Variants in PRPS1 observed in about 807,000 individuals in gnomAD.
PRPS1 encodes phosphoribosyl pyrophosphate synthetase 1.
PRPS1 carries 1 observed loss-of-function variant against 16.9 expected under a neutral mutation model. The observed-to-expected ratio is 0.06, with a 90% CI of 0.02 to 0.28. The LOEUF (loss-of-function observed/expected upper bound fraction) is 0.28, where lower values mean the gene tolerates loss of function less well. Ranked by LOEUF, PRPS1 falls within the 10% of genes least tolerant of loss-of-function variation. The pLI, the probability that PRPS1 is intolerant of heterozygous loss-of-function variation, is 1.00. For missense variants in PRPS1, 47 were observed against 254.0 expected (o/e 0.19, Z 5.54); for synonymous variants, 70 against 90.2 (o/e 0.78, Z 1.27).
chrX:107,644,993 T>A (rs772782048), intron 4 of PRPS1, among the ~76,000 whole-genome samples, 184 bp from the exon 5 acceptor site: 3 of 110,946 alleles, frequency 2.7e-5, no homozygotes, highest in Admixed American at 9.6e-5. Flanking sequence ...TTTTTGTATT[T>A]TTAGTAAAGA....
At chrX:107,637,213 A>G (rs1167726857) in intron 1 of PRPS1, among the ~76,000 whole-genome samples, 2 of 111,144 alleles carry the variant, frequency 1.8e-5, no homozygotes. Flanking sequence ...CTTTCGTGGT[A>G]AAATATAGCC....
At chrX:107,641,100 T>C in intron 3 of PRPS1, 100 bp downstream of exon 3, 2 of 1,202,091 alleles carry the variant, frequency 1.7e-6, no homozygotes, top group Non-Finnish European at 2.2e-6. Context: ...CAAGTACATC[T>C]GAAATAAACT....
intron 2 of PRPS1, 22 bp from the exon 3 acceptor site, chrX:107,640,880 T>C (rs1197464715): frequency 2.5e-6 from 3 of 1,210,067 alleles, no homozygotes; most frequent in Non-Finnish European, 3.4e-6. Context: ...GGTTTTTCTT[T>C]TCTTTCCTCC....
At chrX:107,631,741 C>T (rs946903799) in intron 1 of PRPS1, among the ~76,000 whole-genome samples, 1 of 111,744 alleles carries the variant, frequency 8.9e-6, no homozygotes, top group African/African-American at 3.3e-5. Context: ...CCCAGGAGTG[C>T]AGTGGTGCGA....
chrX:107,640,861 T>C (rs1384242762), intron 2 of PRPS1, 41 bp from the exon 3 acceptor site: 2 of 1,189,268 alleles, frequency 1.7e-6, no homozygotes, highest in African/African-American at 3.5e-5. Context: ...TTTTTCAAAT[T>C]GGCTTTTTGG....
chrX:107,628,551 G>C lies in PRPS1; in HGVS notation c.-78G>C. 1 of 1,206,499 alleles carries C rather than the reference G, an allele frequency of 8.3e-7. No homozygotes were observed. Among genetic ancestry groups the C allele is most frequent in the Non-Finnish European group, 1.1e-6 (1 of 892,120 alleles). ...GTAGCAACGCAAAGCGCTTGGTATT[G>C]AGTCTGTGGCCGACTTCGGTTCCGG... On this transcript the variant is annotated 5_prime_UTR_variant, in exon 1 of 7. Coordinates refer to ENST00000372435, the MANE Select transcript of PRPS1 (RefSeq NM_002764.4).
At chrX:107,648,989 C>A (rs1925767805) in intron 6 of PRPS1, among the ~76,000 whole-genome samples, 1 of 111,097 alleles carries the variant, frequency 9.0e-6, no homozygotes, top group Non-Finnish European at 1.9e-5. Flanking sequence ...GAACTCCTGA[C>A]CTCAGGTGAT....
intron 1 of PRPS1, among the ~76,000 whole-genome samples, chrX:107,631,062 CAT>C (rs1332537029): frequency 8.9e-6 from 1 of 111,873 alleles, no homozygotes; most frequent in African/African-American, 3.2e-5. Context: ...ATAAATGTCA[CAT>C]TATCATTTCT....
intron 5 of PRPS1, among the ~76,000 whole-genome samples, 169 bp from the exon 6 acceptor site, chrX:107,647,436 TA>T (rs1157223486): frequency 8.9e-6 from 1 of 112,421 alleles, no homozygotes; most frequent in African/African-American, 3.2e-5. Flanking sequence ...TTCTTTTCCT[TA>T]AAAAAATTTT....
chrX:107,646,215 G>A (rs772366784), intron 5 of PRPS1, among the ~76,000 whole-genome samples: 14 of 111,170 alleles, frequency 1.3e-4, no homozygotes, highest in Non-Finnish European at 1.9e-4. Context: ...AAATCCTCCT[G>A]TCTCAGACTC....
Position 107,650,322 on chromosome X carries a change from G to A in PRPS1, c.*290G>A. ...TTTCAGACTTTTGAGGATGTTGTGT[G>A]AGGGTGTTTGACTGTGACTGGGGAA... is the stretch of plus-strand genomic sequence containing the variant. On this transcript the variant is annotated 3_prime_UTR_variant, in exon 7 of 7. Coordinates refer to ENST00000372435, the MANE Select transcript of PRPS1 (RefSeq NM_002764.4). 2 of 439,769 alleles carry A rather than the reference G, an allele frequency of 4.5e-6. No individual in the cohort carries two copies. Among genetic ancestry groups the A allele is most frequent in the Non-Finnish European group, 7.7e-6 (2 of 258,255 alleles). The allele number at this position is 439,769 out of a possible 1,213,427, so 36.2% of individuals were successfully genotyped here.
chrX:107,638,523 C>G (rs754423996), intron 1 of PRPS1, among the ~76,000 whole-genome samples: 3 of 111,978 alleles, frequency 2.7e-5, no homozygotes, highest in Admixed American at 9.5e-5. Flanking sequence ...GGATTATAGG[C>G]GTGAGCCATC....
chrX:107,635,015 T>C lies in PRPS1; in HGVS notation c.123-4280T>C, dbSNP rs762458667. On this transcript the variant is annotated intron_variant, in intron 1 of 6. Coordinates refer to ENST00000372435, the MANE Select transcript of PRPS1 (RefSeq NM_002764.4). ...CCACCACACCTGGCTAATTTTTTTG[T>C]ATTTTTTAGTAGAGACGGGGTTTCA... Among the ~76,000 whole-genome samples the C allele has an allele frequency of 1.4e-3, 154 of 110,403 alleles. 1 individual carries two copies. Among genetic ancestry groups the C allele is most frequent in the Non-Finnish European group, 2.4e-3 (127 of 52,717 alleles).
intron 6 of PRPS1, among the ~76,000 whole-genome samples, chrX:107,649,448 C>CTGTTT (rs760189954): frequency 9.1e-6 from 1 of 109,841 alleles, no homozygotes; most frequent in Non-Finnish European, 1.9e-5. Context: ...TCCTAAGTGG[C>CTGTTT]TGTTTTGTTT....
intron 1 of PRPS1, among the ~76,000 whole-genome samples, chrX:107,631,271 A>G (rs1004535072): frequency 9.0e-5 from 10 of 111,603 alleles, no homozygotes; most frequent in Middle Eastern, 4.6e-3. Context: ...CTGGAGTCCA[A>G]TAGCTACTCA....
At chrX:107,647,169 A>G (rs913554983) in intron 5 of PRPS1, among the ~76,000 whole-genome samples, 2 of 112,948 alleles carry the variant, frequency 1.8e-5, no homozygotes, top group African/African-American at 6.4e-5. Flanking sequence ...CAGAGCCCTT[A>G]CAATGGGATG....
intron 4 of PRPS1, 71 bp from the exon 5 acceptor site, chrX:107,645,106 C>A (rs1036266248): frequency 1.7e-6 from 2 of 1,162,954 alleles, no homozygotes; most frequent in Admixed American, 4.4e-5. Flanking sequence ...GAGCCACCGC[C>A]CCCGGCCTCT....
At chrX:107,628,869 CTG>C (rs1925246741) in intron 1 of PRPS1, 119 bp downstream of exon 1, 1 of 999,989 alleles carries the variant, frequency 1.0e-6, no homozygotes, top group Admixed American at 2.6e-5. Flanking sequence ...GGGTGCAGCT[CTG>C]TGACTAGCCT....
chrX:107,645,078 T>C (rs757623224), intron 4 of PRPS1, 99 bp from the exon 5 acceptor site: 103 of 974,010 alleles, frequency 1.1e-4, no homozygotes, highest in Non-Finnish European at 1.4e-4. Flanking sequence ...CCTCCCAAAG[T>C]GCTGGGATTA....
Sources: allele counts gnomAD v4.1 joint callset (sites outside exome capture counted in the v4.1 genomes callset), GRCh38; gene constraint gnomAD v4.1.1; transcripts MANE v1.5; gene names NCBI Gene and HGNC (gene_info 2026-07-23, HGNC 2026-07-21).